MARCHF1: variants seen among roughly 807,000 people sequenced by gnomAD.
MARCHF1 encodes membrane associated ring-CH-type finger 1, also known as E3 ubiquitin-protein ligase MARCHF1.
MARCHF1 carries 40 observed loss-of-function variants against 54.2 expected under a neutral mutation model. The observed-to-expected ratio is 0.74, with a 90% CI of 0.57 to 0.96. The LOEUF (loss-of-function observed/expected upper bound fraction) is 0.96. MARCHF1 is among the 40% of genes least tolerant of loss of function. MARCHF1 has a pLI of 0.00. For missense variants in MARCHF1, 586 were observed against 656.5 expected, an observed-to-expected ratio of 0.89 and a Z score of 1.17; for synonymous variants, 236 against 236.3, an observed-to-expected ratio of 1.00 and a Z score of 0.01.
At chr4:164,352,464 C>T (rs1455829771) in intron 1 of MARCHF1, among the ~76,000 whole-genome samples, 1 of 143,122 alleles carries the variant, frequency 7.0e-6, no homozygotes, top group African/African-American at 2.5e-5. Context: ...ATTCAACATT[C>T]TTAAAGAAAA....
At chr4:163,712,116 C>T (rs948414489) in intron 4 of MARCHF1, among the ~76,000 whole-genome samples, 5 of 152,136 alleles carry the variant, frequency 3.3e-5, no homozygotes, top group East Asian at 1.9e-4. Flanking sequence ...ACAGACCACA[C>T]ATTATAGACC....
intron 9 of MARCHF1, among the ~76,000 whole-genome samples, chr4:163,538,627 A>G (rs2874349): frequency 0.4 from 60,747 of 152,072 alleles, 13,184 homozygotes; most frequent in Admixed American, 0.53. Context: ...TCTCAAGAGT[A>G]GTTTTCCTGT....
chr4:163,814,926 TAATA>T (rs1423249063), intron 4 of MARCHF1, among the ~76,000 whole-genome samples: 2 of 152,182 alleles, frequency 1.3e-5, no homozygotes, highest in Non-Finnish European at 2.9e-5. Context: ...TTAGTTATTA[TAATA>T]AATACAGTTA....
At chr4:164,030,943 C>A (rs544436806) in intron 2 of MARCHF1, among the ~76,000 whole-genome samples, 1 of 152,210 alleles carries the variant, frequency 6.6e-6, no homozygotes, top group South Asian at 2.1e-4. Context: ...TATCCTGAGA[C>A]TGCTGAAGTT....
At chr4:164,292,592 G>T (rs542583283) in intron 1 of MARCHF1, among the ~76,000 whole-genome samples, 36 of 152,160 alleles carry the variant, frequency 2.4e-4, no homozygotes, top group African/African-American at 8.4e-4. Flanking sequence ...ATGCCACAAG[G>T]ATTAACAACA....
At chr4:163,637,480 A>C (rs954074388) in intron 5 of MARCHF1, among the ~76,000 whole-genome samples, 9 of 152,242 alleles carry the variant, frequency 5.9e-5, no homozygotes, top group African/African-American at 2.2e-4. Flanking sequence ...CAGCCAAAAA[A>C]CATATGAAAT....
At chr4:163,833,220 G>A (rs1749081274) in intron 4 of MARCHF1, among the ~76,000 whole-genome samples, 1 of 152,170 alleles carries the variant, frequency 6.6e-6, no homozygotes, top group South Asian at 2.1e-4. Flanking sequence ...GTGTAAAAGT[G>A]TTCCTATTTT....
At chr4:164,357,882 A>G (rs1197037572) in intron 1 of MARCHF1, among the ~76,000 whole-genome samples, 1 of 152,184 alleles carries the variant, frequency 6.6e-6, no homozygotes, top group Non-Finnish European at 1.5e-5. Context: ...ACCTCAGAAG[A>G]AAAGGAAAAC....
intron 7 of MARCHF1, among the ~76,000 whole-genome samples, chr4:163,610,945 C>T (rs528603420): frequency 6.6e-6 from 1 of 152,022 alleles, no homozygotes; most frequent in Non-Finnish European, 1.5e-5. Flanking sequence ...ATGGTCTTCC[C>T]TGCTTCTTTC....
chr4:164,019,322 C>G (rs568904711), intron 2 of MARCHF1, among the ~76,000 whole-genome samples: 3 of 152,150 alleles, frequency 2.0e-5, no homozygotes, highest in Non-Finnish European at 4.4e-5. Flanking sequence ...CTAAGTGTCT[C>G]GCTATCCCTT....
intron 4 of MARCHF1, among the ~76,000 whole-genome samples, chr4:163,721,547 A>G (rs1745459521): frequency 1.3e-5 from 2 of 152,284 alleles, no homozygotes; most frequent in Middle Eastern, 6.8e-3. Flanking sequence ...GCCTCATAAA[A>G]TGAGTTAGGG....
chr4:164,015,263 G>A (rs1753511507), intron 2 of MARCHF1, among the ~76,000 whole-genome samples: 3 of 152,124 alleles, frequency 2.0e-5, no homozygotes, highest in South Asian at 2.1e-4. Flanking sequence ...GCAGAAAAAT[G>A]AAACTAGACC....
At chr4:164,010,255 G>GTTT (rs200926227) in intron 2 of MARCHF1, among the ~76,000 whole-genome samples, 1 of 145,094 alleles carries the variant, frequency 6.9e-6, no homozygotes, top group African/African-American at 2.6e-5. Flanking sequence ...TTGTTTTTTG[G>GTTT]TTTTTTTTTT....
At chr4:163,632,189 A>G (rs1742111934) in intron 5 of MARCHF1, among the ~76,000 whole-genome samples, 1 of 152,164 alleles carries the variant, frequency 6.6e-6, no homozygotes, top group East Asian at 1.9e-4. Context: ...ACTCTATGAT[A>G]TGGTTTGAAT....
intron 1 of MARCHF1, among the ~76,000 whole-genome samples, chr4:164,219,009 A>G (rs1017209352): frequency 6.6e-6 from 1 of 152,140 alleles, no homozygotes; most frequent in African/African-American, 2.4e-5. Flanking sequence ...GTCTGTTACT[A>G]CAACAATTAC....
intron 1 of MARCHF1, among the ~76,000 whole-genome samples, chr4:164,366,896 T>A (rs552804877): frequency 2.7e-4 from 39 of 144,254 alleles, no homozygotes; most frequent in African/African-American, 9.4e-4. Flanking sequence ...ATTTACTCAT[T>A]ATTTATGTCA....
intron 8 of MARCHF1, among the ~76,000 whole-genome samples, chr4:163,551,909 CAT>C (rs1739119469): frequency 6.6e-6 from 1 of 152,098 alleles, no homozygotes; most frequent in African/African-American, 2.4e-5. Context: ...TCTTTTTCTT[CAT>C]AAATTACCCA....
At chr4:163,557,211 G>A (rs1739321738) in intron 8 of MARCHF1, among the ~76,000 whole-genome samples, 1 of 152,172 alleles carries the variant, frequency 6.6e-6, no homozygotes, top group Non-Finnish European at 1.5e-5. Context: ...CTCATTTACA[G>A]CATTTAGGAT....
intron 2 of MARCHF1, among the ~76,000 whole-genome samples, chr4:164,029,697 C>A (rs904191751): frequency 6.6e-6 from 1 of 152,046 alleles, no homozygotes; most frequent in Non-Finnish European, 1.5e-5. Context: ...TGGGTTAAAG[C>A]GATTCTCATG....
Sources: allele counts gnomAD v4.1 joint callset (sites outside exome capture counted in the v4.1 genomes callset), GRCh38; gene constraint gnomAD v4.1.1; transcripts MANE v1.5; gene names NCBI Gene and HGNC (gene_info 2026-07-23, HGNC 2026-07-21).